HDGFL3: variants seen among roughly 807,000 people sequenced by gnomAD.
The protein encoded by HDGFL3 is hepatoma-derived growth factor-related protein 3.
A neutral mutation model predicts 27.6 loss-of-function variants in HDGFL3; 6 were observed. That is an observed-to-expected ratio of 0.22 (90% CI 0.12 to 0.43). HDGFL3 has a LOEUF of 0.43. Ranked by LOEUF, HDGFL3 falls within the 20% of genes least tolerant of loss-of-function variation. The pLI is 1.00. For synonymous variants in HDGFL3, 88 were observed against 88.9 expected (o/e 0.99, Z 0.05); for missense variants, 207 against 250.1 (o/e 0.83, Z 1.16).
In HDGFL3 at chr15:83,128,823, C is replaced by G. The variant is rs985009095; in HGVS notation, c.*10447G>C. On this transcript the variant is annotated 3_prime_UTR_variant, in exon 6 of 6. Coordinates refer to ENST00000299633, the MANE Select transcript of HDGFL3 (RefSeq NM_016073.4). Reference sequence around the variant, plus strand: ...CTCATCCTCTACATCTAGACCACCACTAAGTCCTTTTTTTTTTCTTTTAAA... The same window carrying G: ...CTCATCCTCTACATCTAGACCACCAGTAAGTCCTTTTTTTTTTCTTTTAAA... The G allele has an allele frequency of 6.6e-6, 1 of 152,070 alleles. No homozygotes were observed. The highest frequency in any genetic ancestry group is 6.6e-5 in the Admixed American group (1 of 15,246). 9.4% of individuals were successfully genotyped at this position (152,070 alleles called of 1,614,324 possible).
At chr15:83,196,905 G>A (rs1394197763) in intron 1 of HDGFL3, among the ~76,000 whole-genome samples, 1 of 152,164 alleles carries the variant, frequency 6.6e-6, no homozygotes, top group African/African-American at 2.4e-5. Context: ...GAGGGGGAAA[G>A]GCTGGAAGAG....
chr15:83,156,315 C>T (rs941357757), intron 4 of HDGFL3, among the ~76,000 whole-genome samples: 3 of 152,134 alleles, frequency 2.0e-5, no homozygotes, highest in Non-Finnish European at 4.4e-5. Flanking sequence ...TATTTTAGGT[C>T]CCCCTGCTCC....
chr15:83,183,499 AC>A (rs1235069629), intron 1 of HDGFL3, among the ~76,000 whole-genome samples: 1 of 152,144 alleles, frequency 6.6e-6, no homozygotes, highest in Non-Finnish European at 1.5e-5. Flanking sequence ...GGTGGCTCAC[AC>A]CTGTAATCCC....
chr15:83,167,073 A>G (rs2037179175), intron 1 of HDGFL3, among the ~76,000 whole-genome samples: 1 of 152,244 alleles, frequency 6.6e-6, no homozygotes, highest in South Asian at 2.1e-4. Context: ...AAAGGCACAG[A>G]GTGGCAGCTT....
intron 5 of HDGFL3, among the ~76,000 whole-genome samples, chr15:83,146,620 C>T (rs1257163283): frequency 3.9e-5 from 6 of 152,166 alleles, no homozygotes; most frequent in Non-Finnish European, 8.8e-5. Context: ...ATCTTCTTTA[C>T]CCTACTCTCT....
chr15:83,168,179 A>G (rs1234746996), intron 1 of HDGFL3, among the ~76,000 whole-genome samples: 1 of 152,246 alleles, frequency 6.6e-6, no homozygotes, highest in Non-Finnish European at 1.5e-5. Flanking sequence ...GAAAGTTCAC[A>G]GTGCTAAACA....
At chr15:83,126,788 TTA>T (rs775131968), downstream of HDGFL3, 3 of 1,613,892 alleles carry the variant, frequency 1.9e-6, no homozygotes. Context: ...GCTCTGCCGA[TTA>T]TATACGCAAT....
In HDGFL3 at chr15:83,132,241, T is replaced by G. The variant is rs144378689; in HGVS notation, c.*7029A>C. ...ACTATTACTGGTAGAAGATTCCCAG[T>G]AAGAATTTGGAGATATGCCTTATGT... On this transcript the variant is annotated 3_prime_UTR_variant, in exon 6 of 6. Transcript: ENST00000299633. 6.6e-6 allele frequency: 1 copy of G among 152,360 alleles called. No homozygotes were observed. Among genetic ancestry groups the G allele is most frequent in the East Asian group, 1.9e-4 (1 of 5,192 alleles). 9.4% of individuals were successfully genotyped at this position (152,360 alleles called of 1,614,324 possible). A position where few individuals can be genotyped will look rare whatever the true frequency, so the allele number is the denominator to read the frequency against.
intron 4 of HDGFL3, among the ~76,000 whole-genome samples, chr15:83,156,384 C>A (rs1056967395): frequency 2.0e-5 from 3 of 152,094 alleles, no homozygotes; most frequent in Non-Finnish European, 2.9e-5. Context: ...TGTGTGCTAC[C>A]CCCACTCTCT....
rs201167657 is a variant in HDGFL3, at chr15:83,131,630, C to CA, written c.*7639dup. The CA allele has an allele frequency of 3.2e-3, 485 of 151,288 alleles. 4 individuals carry two copies. Among genetic ancestry groups the CA allele is most frequent in the African/African-American group, 0.011 (460 of 41,154 alleles). 9.4% of individuals were successfully genotyped at this position (151,288 alleles called of 1,614,324 possible). On this transcript the variant is annotated 3_prime_UTR_variant, in exon 6 of 6. Coordinates refer to ENST00000299633, the MANE Select transcript of HDGFL3 (RefSeq NM_016073.4). ...CCTGGGTGACAGAGCAAGACTGTCT[C>CA]AAAAAAAAGAAAGAAAAAAGAGTGA...
chr15:83,179,505 G>C (rs2037353476), intron 1 of HDGFL3, among the ~76,000 whole-genome samples: 1 of 152,192 alleles, frequency 6.6e-6, no homozygotes, highest in African/African-American at 2.4e-5. Flanking sequence ...AGTCCAGATG[G>C]TAGTTGGGGG....
intron 1 of HDGFL3, among the ~76,000 whole-genome samples, chr15:83,182,573 T>TTAATA (rs1215145553): frequency 1.3e-5 from 2 of 152,276 alleles, no homozygotes; most frequent in African/African-American, 4.8e-5. Flanking sequence ...ATGATTCCAC[T>TTAATA]TATATTAAGT....
At chr15:83,146,265 T>C (rs1425556676) in intron 5 of HDGFL3, among the ~76,000 whole-genome samples, 1 of 152,128 alleles carries the variant, frequency 6.6e-6, no homozygotes, top group Non-Finnish European at 1.5e-5. Context: ...CAAAATTATG[T>C]AGGCATTTTA....
chr15:83,175,064 A>T (rs1310704320), intron 1 of HDGFL3, among the ~76,000 whole-genome samples: 1 of 152,246 alleles, frequency 6.6e-6, no homozygotes, highest in Non-Finnish European at 1.5e-5. Flanking sequence ...TTGCATTCCC[A>T]CATGGTAACA....
At chr15:83,124,567 C>A, downstream of HDGFL3, 1 of 815,248 alleles carries the variant, frequency 1.2e-6, no homozygotes, top group South Asian at 1.6e-5. Context: ...ATAAATTGTG[C>A]ATCTTCAAAA....
At chr15:83,182,081 T>C (rs542142803) in intron 1 of HDGFL3, among the ~76,000 whole-genome samples, 2 of 152,332 alleles carry the variant, frequency 1.3e-5, no homozygotes, top group African/African-American at 4.8e-5. Flanking sequence ...CTCAGACATT[T>C]TCCCTGTACT....
intron 1 of HDGFL3, among the ~76,000 whole-genome samples, chr15:83,197,275 T>C (rs2037582164): frequency 6.6e-6 from 1 of 152,232 alleles, no homozygotes; most frequent in Non-Finnish European, 1.5e-5. Context: ...CTTCAAAATA[T>C]TTCCATTTAT....
intron 3 of HDGFL3, among the ~76,000 whole-genome samples, chr15:83,121,629 T>C (rs1421974027): frequency 1.3e-5 from 2 of 152,204 alleles, no homozygotes; most frequent in South Asian, 4.1e-4. Context: ...TCACACACAA[T>C]AGGGAAATGC....
chr15:83,139,299 A>G, intron 5 of HDGFL3, 24 bp from the exon 6 acceptor site: 1 of 1,394,756 alleles, frequency 7.2e-7, no homozygotes, highest in Non-Finnish European at 9.6e-7. Context: ...AAAAAGAAAG[A>G]AAACAAGCCT....
Sources: allele counts gnomAD v4.1 joint callset (sites outside exome capture counted in the v4.1 genomes callset), GRCh38; gene constraint gnomAD v4.1.1; transcripts MANE v1.5; gene names NCBI Gene and HGNC (gene_info 2026-07-23, HGNC 2026-07-21).